VANGL1: variants seen among roughly 807,000 people sequenced by gnomAD.
VANGL1 encodes the protein VANGL planar cell polarity protein 1.
Under a neutral mutation model 48.4 loss-of-function variants are expected in VANGL1, and 18 were observed. The observed-to-expected ratio is 0.37, with a 90% CI of 0.26 to 0.55. VANGL1 has a LOEUF of 0.55. Among genes scored for constraint, VANGL1 ranks in the 20% least tolerant of loss-of-function variants. The probability of loss-of-function intolerance (pLI) is 0.81; values close to 1 mark genes in which losing one functional copy is unlikely to be tolerated. For missense variants in VANGL1, 667 were observed against 675.8 expected (o/e 0.99, Z 0.14); for synonymous variants, 257 against 261.8 (o/e 0.98, Z 0.18).
chr1:115,642,993 C>T (rs1167055155), intron 1 of VANGL1, among the ~76,000 whole-genome samples: 2 of 152,224 alleles, frequency 1.3e-5, no homozygotes, highest in East Asian at 3.9e-4. Context: ...GAATCTGTTG[C>T]TCAGTTTTCA....
intron 2 of VANGL1, 125 bp from the exon 3 acceptor site, chr1:115,659,516 T>TGTGC (rs1302013297): frequency 8.3e-7 from 1 of 1,207,628 alleles, no homozygotes; most frequent in Non-Finnish European, 1.2e-6. Flanking sequence ...TGTGTGTGTG[T>TGTGC]GTGTGTGTGT....
rs1346298982 is a variant in VANGL1, at chr1:115,651,436, C to T, written c.23C>T (p.Ser8Phe). ...GCTATGGATACCGAATCCACTTATT[C>T]TGGATATTCTTACTATTCAAGTCAT... MDTESTY[S>F]GYSYYSSHSK... The change falls in exon 2 of 8, where the codon TCT (serine) becomes TTT (phenylalanine). Residue 8 changes from serine (S) to phenylalanine (F), a missense_variant. Ser to Phe is a radical substitution (Grantham distance 155, BLOSUM62 -2). Transcript: ENST00000355485. 6.2e-7 allele frequency: 1 copy of T among 1,614,028 alleles called. No individual in the cohort carries two copies. The highest frequency in any genetic ancestry group is 1.7e-5 in the Admixed American group (1 of 60,022).
chr1:115,684,916 C>T (rs1653536549), intron 6 of VANGL1, among the ~76,000 whole-genome samples: 1 of 152,192 alleles, frequency 6.6e-6, no homozygotes, highest in South Asian at 2.1e-4. Context: ...AGCCACCTCT[C>T]TCTGTACAGA....
intron 4 of VANGL1, among the ~76,000 whole-genome samples, chr1:115,677,070 G>T (rs1653194442): frequency 6.6e-6 from 1 of 152,250 alleles, no homozygotes; most frequent in East Asian, 1.9e-4. Context: ...CACAGCCTCT[G>T]TGCAGACTCA....
chr1:115,654,989 A>C (rs3010382), intron 2 of VANGL1, among the ~76,000 whole-genome samples: 1 of 152,036 alleles, frequency 6.6e-6, no homozygotes, highest in Non-Finnish European at 1.5e-5. Flanking sequence ...ATGCTACTTT[A>C]GGAAAGGGAA....
At chr1:115,677,932 G>A (rs1014525933) in intron 4 of VANGL1, among the ~76,000 whole-genome samples, 1 of 152,182 alleles carries the variant, frequency 6.6e-6, no homozygotes, top group Admixed American at 6.5e-5. Flanking sequence ...GTTTGTAGAA[G>A]GATTTGCTTT....
intron 7 of VANGL1, among the ~76,000 whole-genome samples, chr1:115,688,433 T>G (rs545763991): frequency 2.2e-5 from 3 of 139,340 alleles, no homozygotes; most frequent in Non-Finnish European, 4.7e-5. Context: ...GCTTTCACTT[T>G]GCACCAACAG....
intron 3 of VANGL1, among the ~76,000 whole-genome samples, chr1:115,661,904 C>T (rs1159097431): frequency 6.6e-6 from 1 of 152,196 alleles, no homozygotes; most frequent in East Asian, 1.9e-4. Context: ...AGGCGTGAGC[C>T]ACCGTGCCTG....
At chr1:115,666,235 G>A (rs1215084477) in intron 4 of VANGL1, among the ~76,000 whole-genome samples, 1 of 152,136 alleles carries the variant, frequency 6.6e-6, no homozygotes, top group Non-Finnish European at 1.5e-5. Flanking sequence ...CACCTGTGTA[G>A]GTGGGAAAGG....
chr1:115,678,165 C>T (rs1653234794), intron 4 of VANGL1, among the ~76,000 whole-genome samples: 1 of 152,208 alleles, frequency 6.6e-6, no homozygotes, highest in Admixed American at 6.5e-5. Context: ...TCCTTGACTC[C>T]CTCGAAGATA....
chr1:115,685,501 T>G lies in VANGL1; in HGVS notation c.1288T>G (p.Cys430Gly), dbSNP rs749511800. Residue 430 changes from cysteine (C) to glycine (G), a missense_variant, in exon 7 of 8, where the codon TGC (cysteine) becomes GGC (glycine). Physicochemically the swap from Cys to Gly is radical, Grantham distance 159. Transcript: ENST00000355485. ...GAGCATCCTGCAGCACCTGGCCTTC[T>G]GCATCACCAACGGCATGACCCCCAA... ...MESILQHLAF[C>G]ITNGMTPKAF... 1 of 1,614,114 alleles carries G rather than the reference T, an allele frequency of 6.2e-7. No individual in the cohort carries two copies. The highest frequency in any genetic ancestry group is 8.5e-7 in the Non-Finnish European group (1 of 1,180,036).
intron 4 of VANGL1, among the ~76,000 whole-genome samples, chr1:115,676,747 C>T (rs1209072812): frequency 2.0e-5 from 3 of 152,190 alleles, no homozygotes; most frequent in African/African-American, 7.2e-5. Flanking sequence ...AGGGCGATGC[C>T]GACCTCAGCC....
intron 2 of VANGL1, among the ~76,000 whole-genome samples, chr1:115,653,145 T>G (rs965893089): frequency 8.5e-5 from 13 of 152,212 alleles, no homozygotes; most frequent in African/African-American, 2.9e-4. Context: ...TTTTTAACTT[T>G]AATTGTTTTC....
chr1:115,664,734 T>C (rs1652707717), intron 4 of VANGL1, among the ~76,000 whole-genome samples: 1 of 152,194 alleles, frequency 6.6e-6, no homozygotes, highest in Non-Finnish European at 1.5e-5. Context: ...AATTATATGG[T>C]CATCCGAGGG....
rs137860752 is a variant in VANGL1 at position 115,684,021 on chromosome 1, G to A, written c.1024G>A (p.Glu342Lys). 2.2e-5 allele frequency: 35 copies of A among 1,614,172 alleles called. No individual in the cohort carries two copies. Among genetic ancestry groups the A allele is most frequent in the Non-Finnish European group, 1.7e-5 (20 of 1,180,016 alleles). Residue 342 changes from glutamate (E) to lysine (K), a missense_variant, in exon 6 of 8, where the codon GAG becomes AAG. Physicochemically the swap from Glu to Lys is moderately conservative, Grantham distance 56. Transcript: ENST00000355485. The part of the protein sequence containing the change: ...AARRRDSSHN[E>K]LYYEEAEHER... Reference sequence around the variant, plus strand: ...TCGGCGCAGGGACTCAAGCCACAACGAGTTGTATTATGAAGAGGCCGAACA... The same window carrying A: ...TCGGCGCAGGGACTCAAGCCACAACAAGTTGTATTATGAAGAGGCCGAACA...
chr1:115,670,920 G>C (rs1027757316), intron 4 of VANGL1: 1 of 152,560 alleles, frequency 6.6e-6, no homozygotes, highest in Non-Finnish European at 1.5e-5. Context: ...ATGCTTTGCT[G>C]TGGGAGAATT....
At chr1:115,666,868 G>T (rs1361850467) in intron 4 of VANGL1, among the ~76,000 whole-genome samples, 1 of 152,190 alleles carries the variant, frequency 6.6e-6, no homozygotes, top group Non-Finnish European at 1.5e-5. Flanking sequence ...GTCTGCCAGA[G>T]CTGGAGCAGG....
At chr1:115,687,711 G>GTGTA (rs1389157205) in intron 7 of VANGL1, among the ~76,000 whole-genome samples, 3 of 86,380 alleles carry the variant, frequency 3.5e-5, no homozygotes, top group African/African-American at 9.4e-5. Flanking sequence ...TTCTCTGTGT[G>GTGTA]TGTGTGTGTG....
At position 115,692,514 on chromosome 1, in the gene VANGL1, G is replaced by A. The variant is rs904237820; in HGVS notation, c.*1135G>A. 2 of 152,702 alleles carry A rather than the reference G, an allele frequency of 1.3e-5. No individual in the cohort carries two copies. Among genetic ancestry groups the A allele is most frequent in the Non-Finnish European group, 2.9e-5 (2 of 68,098 alleles). 9.5% of individuals were successfully genotyped at this position (152,702 alleles called of 1,614,324 possible). On this transcript the variant is annotated 3_prime_UTR_variant, in exon 8 of 8. Coordinates refer to ENST00000355485, the MANE Select transcript of VANGL1 (RefSeq NM_138959.3). ...TCATCGCCTCTGCCACTTAGGACCA[G>A]GAAAGAGGCTGGTTTTGCTCCCACT...
Sources: allele counts gnomAD v4.1 joint callset (sites outside exome capture counted in the v4.1 genomes callset), GRCh38; gene constraint gnomAD v4.1.1; transcripts MANE v1.5; gene names NCBI Gene and HGNC (gene_info 2026-07-23, HGNC 2026-07-21).